Variants in PXDN observed in about 807,000 individuals in gnomAD.
PXDN encodes the protein peroxidasin.
Under a neutral mutation model 140.3 loss-of-function variants are expected in PXDN, and 77 were observed. That is an observed-to-expected ratio of 0.55 (90% confidence interval 0.46 to 0.66). The LOEUF (loss-of-function observed/expected upper bound fraction) is 0.66, where lower values mean the gene tolerates loss of function less well. Among genes scored for constraint, PXDN ranks in the 30% least tolerant of loss-of-function variants. The pLI, the probability that PXDN is intolerant of heterozygous loss-of-function variation, is 0.00. For synonymous variants in PXDN, 911 were observed against 857.4 expected, an observed-to-expected ratio of 1.06 and a Z score of -1.09; for missense variants, 1,838 against 2,039.5, an observed-to-expected ratio of 0.90 and a Z score of 1.90.
Position 1,649,566 on chromosome 2 carries a change from G to T in PXDN, c.2214C>A (p.His738Gln), listed in dbSNP as rs771754408. 1.9e-6 allele frequency: 3 copies of T among 1,613,928 alleles called. No individual in the cohort carries two copies. The highest frequency in any genetic ancestry group is 2.7e-5 in the African/African-American group (2 of 74,944). Reference sequence around the variant, plus strand: ...TGCCGTCGTGCGTCCGGTACTTCTGGTGGAAGCACATGTCCGAGCAGTTGT... The same window carrying T: ...TGCCGTCGTGCGTCCGGTACTTCTGTTGGAAGCACATGTCCGAGCAGTTGT... ...RVNNCSDMCF[H>Q]QKYRTHDGTC... The change falls in exon 17 of 23, where the codon CAC becomes CAA. Residue 738 changes from histidine (H) to glutamine (Q), a missense_variant. By Grantham distance (24) the His-to-Gln change is conservative. This residue lies in a region of PXDN where 537 missense variants were observed against 583.9 expected (regional missense o/e 0.92). Coordinates refer to ENST00000252804, the MANE Select transcript of PXDN (RefSeq NM_012293.3). This position sits in a 1 kb window ranked among gnomAD's most constrained non-coding sequence, Gnocchi z 7.1.
chr2:1,739,351 T>C (rs1418297404), intron 1 of PXDN, among the ~76,000 whole-genome samples: 3 of 152,008 alleles, frequency 2.0e-5, no homozygotes, highest in African/African-American at 4.8e-5. Context: ...GAGAAAACGA[T>C]AGAATATCAC....
intron 21 of PXDN, among the ~76,000 whole-genome samples, chr2:1,638,626 T>C (rs1331309564): frequency 4.6e-5 from 7 of 152,186 alleles, no homozygotes; most frequent in Non-Finnish European, 1.0e-4. Context: ...TGCCCCTGCC[T>C]GGTGACCCCC....
intron 7 of PXDN, among the ~76,000 whole-genome samples, chr2:1,679,087 C>CGTGTGTGT (rs1553363338): frequency 9.0e-6 from 1 of 110,754 alleles, no homozygotes; most frequent in Non-Finnish European, 1.8e-5. Context: ...TATGTGCATG[C>CGTGTGTGT]ATGTGTGTGT....
chr2:1,638,226 G>C (rs1278201797), intron 21 of PXDN, among the ~76,000 whole-genome samples: 1 of 152,116 alleles, frequency 6.6e-6, no homozygotes, highest in Non-Finnish European at 1.5e-5. Context: ...CTTCTATTTA[G>C]CCATAGGTCT....
intron 16 of PXDN, among the ~76,000 whole-genome samples, chr2:1,650,702 C>T (rs113306127): frequency 3.9e-4 from 60 of 152,268 alleles, no homozygotes; most frequent in African/African-American, 1.4e-3. Context: ...CGCACACACA[C>T]ATGCACGCTT....
chr2:1,664,618 T>C (rs1353405045), intron 11 of PXDN: 7 of 232,700 alleles, frequency 3.0e-5, no homozygotes, highest in East Asian at 1.8e-4. Flanking sequence ...TCCATGCAAA[T>C]AGATTCCTTC....
intron 1 of PXDN, among the ~76,000 whole-genome samples, chr2:1,739,418 A>G (rs901957859): frequency 1.3e-5 from 2 of 152,198 alleles, no homozygotes; most frequent in East Asian, 3.9e-4. Flanking sequence ...CTGGATTCAG[A>G]GTCATAGAGA....
rs1312871776 is a variant in PXDN at position 1,632,420 on chromosome 2, C to T, written c.*1784G>A. On this transcript the variant is annotated 3_prime_UTR_variant, in exon 23 of 23. Coordinates refer to ENST00000252804, the MANE Select transcript of PXDN (RefSeq NM_012293.3). This position sits in a 1 kb window ranked among gnomAD's most constrained non-coding sequence, Gnocchi z 4.3. Reference sequence around the variant, plus strand: ...TTTCCTATTTGACAGAAATCTCTTCCACAATTTGGTCACTACATTTGACTT... The same window carrying T: ...TTTCCTATTTGACAGAAATCTCTTCTACAATTTGGTCACTACATTTGACTT... 2 of 152,232 alleles carry T rather than the reference C, an allele frequency of 1.3e-5. No individual in the cohort carries two copies. The highest frequency in any genetic ancestry group is 2.9e-5 in the Non-Finnish European group (2 of 68,042). The allele number at this position is 152,232 out of a possible 1,614,324, so 9.4% of individuals were successfully genotyped here.
intron 1 of PXDN, among the ~76,000 whole-genome samples, chr2:1,696,989 C>A: frequency 6.6e-6 from 1 of 152,310 alleles, no homozygotes; most frequent in South Asian, 2.1e-4. Flanking sequence ...TTGCCTGAAT[C>A]ATTTCTCACT....
At chr2:1,702,745 C>T (rs1270314614) in intron 1 of PXDN, among the ~76,000 whole-genome samples, 2 of 151,744 alleles carry the variant, frequency 1.3e-5, no homozygotes, top group African/African-American at 4.8e-5. Flanking sequence ...TCTCCTGCCT[C>T]AGCCTCCCGA....
intron 7 of PXDN, among the ~76,000 whole-genome samples, chr2:1,678,624 G>A (rs1441499765): frequency 2.6e-5 from 4 of 152,174 alleles, no homozygotes; most frequent in South Asian, 2.1e-4. Context: ...GAGCATCAGC[G>A]AAAACGACAG....
intron 2 of PXDN, chr2:1,692,697 A>C (rs1439687748): frequency 2.2e-6 from 1 of 452,970 alleles, no homozygotes; most frequent in South Asian, 1.7e-5. Flanking sequence ...CACTCAGAAG[A>C]AGCACTGTCC....
intron 14 of PXDN, among the ~76,000 whole-genome samples, chr2:1,655,361 A>C (rs966739047): frequency 6.6e-6 from 1 of 150,936 alleles, no homozygotes; most frequent in African/African-American, 2.4e-5. Flanking sequence ...CATATAGTAC[A>C]TTATACACAC....
At position 1,679,534 on chromosome 2, in the gene PXDN, ATGTG is replaced by A. The variant is rs1249173993; in HGVS notation, c.730+655_730+658del. Among the ~76,000 whole-genome samples the A allele has an allele frequency of 9.0e-5, 10 of 111,646 alleles. No homozygotes were observed. In the South Asian group the frequency reaches 1.6e-3, roughly 17 times the overall value. The allele number at this position is 111,646 out of a possible 152,430, so 73.2% of individuals were successfully genotyped here. ...GTGCGTGTGTGTGGTTTGTGTCTGC[ATGTG>A]TGTGTGTCTATAAATGGTGTGTGTG... On this transcript the variant is annotated intron_variant, in intron 7 of 22. Coordinates refer to ENST00000252804, the MANE Select transcript of PXDN (RefSeq NM_012293.3).
Position 1,665,041 on chromosome 2 carries a change from C to G in PXDN, c.1325G>C (p.Arg442Thr). ...LPQFTVTPQD[R>T]VVIEGQTVDF... ...CACGGTCTGGCCCTCAATAACGACT[C>G]TGTCCTGAGGCGTCACAGTGAACTG... The change falls in exon 11 of 23, where the codon AGA becomes ACA. Residue 442 changes from arginine (R) to threonine (T), a missense_variant. Transcript: ENST00000252804. 3 of 1,611,510 alleles carry G rather than the reference C, an allele frequency of 1.9e-6. No homozygotes were observed. The highest frequency in any genetic ancestry group is 2.5e-6 in the Non-Finnish European group (3 of 1,178,784).
At chr2:1,656,617 A>ACTGGTC (rs1027028908) in intron 14 of PXDN, among the ~76,000 whole-genome samples, 1 of 146,662 alleles carries the variant, frequency 6.8e-6, no homozygotes, top group African/African-American at 2.6e-5. Flanking sequence ...CCTGAATAAA[A>ACTGGTC]CTGGTCCCCT....
chr2:1,720,654 T>TCTCTCTGCATCTCTTTCTCG (rs1685021819), intron 1 of PXDN, among the ~76,000 whole-genome samples: 1 of 151,214 alleles, frequency 6.6e-6, no homozygotes, highest in Non-Finnish European at 1.5e-5. Context: ...TCTCTTTCTC[T>TCTCTCTGCATCTCTTTCTCG]CTCTCTGCAT....
intron 1 of PXDN, among the ~76,000 whole-genome samples, chr2:1,697,833 G>A (rs181943172): frequency 1.3e-5 from 2 of 152,292 alleles, no homozygotes; most frequent in East Asian, 1.9e-4. Context: ...CCTGCCCTCC[G>A]CAGCTGCAGG....
In PXDN at chr2:1,664,995, C is replaced by T; in HGVS notation, c.1371G>A (p.Lys457=). The T allele has an allele frequency of 6.2e-7, 1 of 1,611,592 alleles. No homozygotes were observed. The highest frequency in any genetic ancestry group is 8.5e-7 in the Non-Finnish European group (1 of 1,178,816). The change falls in exon 11 of 23, where the codon AAG becomes AAA. Residue 457 remains lysine (K), a synonymous_variant. Transcript: ENST00000252804. The part of the protein sequence containing the change: ...GQTVDFQCEA[K]GNPPPVIAWT... ...AGGCGATGACGGGCGGCGGGTTGCC[C>T]TTGGCTTCACACTGGAAATCCACGG...
Sources: gnomAD v4.1 joint callset for allele counts (sites outside exome capture counted in the v4.1 genomes callset) on GRCh38, gnomAD v4.1.1 for gene constraint, gnomAD v4.1.1 regional missense constraint, Gnocchi (gnomAD v3.1) non-coding constraint, MANE v1.5 for transcripts, NCBI Gene and HGNC (gene_info 2026-07-23, HGNC 2026-07-21) for gene names.